Variants in ISY1 observed in about 807,000 individuals in gnomAD.
The protein encoded by ISY1 is pre-mRNA-splicing factor ISY1 homolog.
In ISY1, 12 loss-of-function variants were observed where a neutral mutation model predicts 54.4. The observed-to-expected ratio is 0.22, with a 90% CI of 0.14 to 0.36. The LOEUF (loss-of-function observed/expected upper bound fraction) is 0.36, where lower values mean the gene tolerates loss of function less well. Among genes scored for constraint, ISY1 ranks in the 10% least tolerant of loss-of-function variants. The pLI is 1.00. For missense variants in ISY1, 282 were observed against 342.2 expected (o/e 0.82, Z 1.39); for synonymous variants, 96 against 117.9 (o/e 0.81, Z 1.20).
chr3:129,136,311 A>G (rs542926994), intron 7 of ISY1, among the ~76,000 whole-genome samples: 99 of 152,110 alleles, frequency 6.5e-4, no homozygotes, highest in African/African-American at 2.4e-3. Context: ...CATGTTGGCC[A>G]GGCAAGTCTC....
chr3:129,150,678 G>A (rs961223330), intron 5 of ISY1, among the ~76,000 whole-genome samples: 3 of 151,896 alleles, frequency 2.0e-5, no homozygotes, highest in Non-Finnish European at 2.9e-5. Context: ...CAGCCTGGAC[G>A]CCAGAGCAAG....
chr3:129,152,161 G>GA lies in ISY1; in HGVS notation c.187+4471dup, dbSNP rs570934718. Reference sequence around the variant, plus strand: ...GTGACAAGAGCAAAACTCCGTCTCAGAAAAAAAAAAGAAGTGCTTTATCAG... The same window carrying GA: ...GTGACAAGAGCAAAACTCCGTCTCAGAAAAAAAAAAAGAAGTGCTTTATCAG... On this transcript the variant is annotated intron_variant, in intron 5 of 10. Coordinates refer to ENST00000393295, the MANE Select transcript of ISY1 (RefSeq NM_020701.4). 4.3e-4 allele frequency among the ~76,000 whole-genome samples: 63 copies of GA among 147,130 alleles called. No homozygotes were observed. The East Asian group carries it at 5.9e-3, about 14-fold the overall frequency.
chr3:129,135,217 C>T (rs527434998), intron 7 of ISY1, among the ~76,000 whole-genome samples: 3 of 151,926 alleles, frequency 2.0e-5, no homozygotes, highest in East Asian at 3.9e-4. Context: ...CGTGGTGGTG[C>T]GCACCTGTAA....
At chr3:129,136,706 T>G (rs1172232812) in intron 7 of ISY1, among the ~76,000 whole-genome samples, 1 of 147,610 alleles carries the variant, frequency 6.8e-6, no homozygotes, top group Admixed American at 6.8e-5. Flanking sequence ...TTTTTTTTTT[T>G]AAAGACAGAG....
At chr3:129,137,014 C>G (rs1039735052) in intron 7 of ISY1, 3 of 151,176 alleles carry the variant, frequency 2.0e-5, no homozygotes, top group Admixed American at 1.3e-4. Flanking sequence ...CCTGCCTCAG[C>G]CTCCCAAGTA....
At chr3:129,138,435 A>G (rs1431904223) in intron 7 of ISY1, among the ~76,000 whole-genome samples, 2 of 151,934 alleles carry the variant, frequency 1.3e-5, no homozygotes, top group Non-Finnish European at 2.9e-5. Context: ...GGAGATCGAG[A>G]CCATCCTGGC....
intron 3 of ISY1, 141 bp from the exon 4 acceptor site, chr3:129,157,061 G>A: frequency 2.3e-6 from 2 of 861,406 alleles, no homozygotes; most frequent in Non-Finnish European, 1.8e-6. Flanking sequence ...TCCTCATCAA[G>A]CCTTAAACCT....
At chr3:129,150,637 T>TG (rs982996048) in intron 5 of ISY1, among the ~76,000 whole-genome samples, 8 of 151,470 alleles carry the variant, frequency 5.3e-5, no homozygotes, top group Non-Finnish European at 8.8e-5. Flanking sequence ...GGCATGAACC[T>TG]GGGGGGCGGA....
At chr3:129,138,259 C>T (rs187344242) in intron 7 of ISY1, among the ~76,000 whole-genome samples, 40 of 149,546 alleles carry the variant, frequency 2.7e-4, no homozygotes, top group African/African-American at 9.9e-4. Flanking sequence ...CCAGCCTGGG[C>T]AACAGAGCAA....
intron 5 of ISY1, among the ~76,000 whole-genome samples, chr3:129,155,651 T>C (rs553435421): frequency 4.6e-5 from 7 of 152,276 alleles, no homozygotes; most frequent in Non-Finnish European, 1.0e-4. Context: ...TGTTGTTTAA[T>C]TTCCAAATAT....
chr3:129,153,247 T>C (rs1008858635), intron 5 of ISY1, among the ~76,000 whole-genome samples: 2 of 151,898 alleles, frequency 1.3e-5, no homozygotes, highest in Non-Finnish European at 2.9e-5. Context: ...TAACCTCAGG[T>C]GATCCACCCA....
intron 3 of ISY1, among the ~76,000 whole-genome samples, chr3:129,157,844 T>C (rs375559175): frequency 1.8e-3 from 280 of 151,522 alleles, no homozygotes; most frequent in African/African-American, 6.5e-3. Flanking sequence ...GTGTACAGAC[T>C]CTCAAGAGCG....
chr3:129,160,353 G>A (rs1307053056), intron 1 of ISY1, among the ~76,000 whole-genome samples: 2 of 151,964 alleles, frequency 1.3e-5, no homozygotes, highest in Non-Finnish European at 2.9e-5. Context: ...GGCACTACGT[G>A]TATTCTTAAA....
chr3:129,145,932 C>T, intron 5 of ISY1, 59 bp from the exon 6 acceptor site: 1 of 1,518,564 alleles, frequency 6.6e-7, no homozygotes, highest in Non-Finnish European at 9.1e-7. Context: ...ACACCTCTAA[C>T]ACGTACACTT....
At chr3:129,153,791 A>C (rs568097778) in intron 5 of ISY1, among the ~76,000 whole-genome samples, 3 of 152,144 alleles carry the variant, frequency 2.0e-5, no homozygotes, top group Non-Finnish European at 4.4e-5. Context: ...GTCTCAAAAC[A>C]AAACAAAACA....
At chr3:129,130,288 G>A in intron 10 of ISY1, 100 bp from the exon 11 acceptor site, 3 of 1,453,780 alleles carry the variant, frequency 2.1e-6, no homozygotes, top group Non-Finnish European at 2.7e-6. Context: ...GTCCATCAAG[G>A]AGTCTGATTT....
chr3:129,159,051 C>A, intron 2 of ISY1, 103 bp downstream of exon 2: 1 of 1,421,340 alleles, frequency 7.0e-7, no homozygotes, highest in South Asian at 1.3e-5. Flanking sequence ...AAAGAAACAG[C>A]TTCTCAAAAG....
intron 6 of ISY1, 58 bp from the exon 7 acceptor site, chr3:129,140,543 T>G: frequency 6.7e-7 from 1 of 1,500,810 alleles, no homozygotes; most frequent in Non-Finnish European, 9.0e-7. Flanking sequence ...TAGTTATTAT[T>G]TATTTATTTA....
intron 9 of ISY1, among the ~76,000 whole-genome samples, chr3:129,132,816 T>C (rs948350401): frequency 1.3e-5 from 2 of 152,246 alleles, no homozygotes; most frequent in Non-Finnish European, 2.9e-5. Context: ...TCCTAAGGCA[T>C]GCTGCCATCC....
Sources: allele counts gnomAD v4.1 joint callset (sites outside exome capture counted in the v4.1 genomes callset), GRCh38; gene constraint gnomAD v4.1.1; transcripts MANE v1.5; gene names NCBI Gene and HGNC (gene_info 2026-07-23, HGNC 2026-07-21).